CERS4: variants seen among roughly 807,000 people sequenced by gnomAD.
The protein encoded by CERS4 is ceramide synthase 4, also known as LAG1 homolog, ceramide synthase 4.
A neutral mutation model predicts 51.8 loss-of-function variants in CERS4; 65 were observed. The ratio of observed to expected loss-of-function variants is 1.26; its 90% CI spans 1.03 to 1.54. The LOEUF (loss-of-function observed/expected upper bound fraction) is 1.54. CERS4 is among the 40% of genes most tolerant of loss of function. CERS4 has a pLI of 0.00. For missense variants in CERS4, 563 were observed against 500.4 expected, an observed-to-expected ratio of 1.13 and a Z score of -1.19; for synonymous variants, 228 against 208.4, an observed-to-expected ratio of 1.09 and a Z score of -0.81.
intron 2 of CERS4, among the ~76,000 whole-genome samples, chr19:8,238,953 T>A (rs1301044443): frequency 6.6e-6 from 1 of 151,366 alleles, no homozygotes; most frequent in African/African-American, 2.4e-5. Context: ...TAACAAAAAT[T>A]AGCTGGGTGT....
chr19:8,234,850 G>A (rs1468210027), intron 2 of CERS4, among the ~76,000 whole-genome samples: 3 of 151,382 alleles, frequency 2.0e-5, no homozygotes, highest in African/African-American at 4.9e-5. Context: ...CACCACGCCC[G>A]GCCCCATTCT....
intron 10 of CERS4, among the ~76,000 whole-genome samples, chr19:8,260,150 G>A (rs1025000585): frequency 2.6e-5 from 4 of 151,978 alleles, no homozygotes; most frequent in Non-Finnish European, 4.4e-5. Context: ...AGGCGAGGTC[G>A]CTGGTCACCC....
chr19:8,237,060 T>C (rs1488323941), intron 2 of CERS4, among the ~76,000 whole-genome samples: 1 of 151,028 alleles, frequency 6.6e-6, no homozygotes, highest in African/African-American at 2.4e-5. Context: ...TCTGTTTATT[T>C]CTTAGCTTGC....
chr19:8,262,187 TG>T lies in CERS4; in HGVS notation c.*81del. On this transcript the variant is annotated 3_prime_UTR_variant, in exon 12 of 12. Coordinates refer to ENST00000251363, the MANE Select transcript of CERS4 (RefSeq NM_024552.3). Reference sequence around the variant, plus strand: ...TCTGGGGTGACTGGACTGGCGCCCCTGGGCCACCTTTCTGGAGACAGGGAGG... The same window carrying T: ...TCTGGGGTGACTGGACTGGCGCCCCTGGCCACCTTTCTGGAGACAGGGAGG... The T allele has an allele frequency of 7.4e-7, 1 of 1,359,238 alleles. No homozygotes were observed. The highest frequency in any genetic ancestry group is 9.5e-7 in the Non-Finnish European group (1 of 1,053,976). The allele number at this position is 1,359,238 out of a possible 1,614,324, so 84.2% of individuals were successfully genotyped here.
In CERS4 at chr19:8,262,034, C is replaced by A; in HGVS notation, c.1110C>A (p.Pro370=). 6.4e-7 allele frequency: 1 copy of A among 1,558,534 alleles called. No homozygotes were observed. Among genetic ancestry groups the A allele is most frequent in the Non-Finnish European group, 8.7e-7 (1 of 1,155,824 alleles). The change falls in exon 12 of 12, where the codon CCC becomes CCA. Residue 370 remains proline (P), a synonymous_variant. Coordinates refer to ENST00000251363, the MANE Select transcript of CERS4 (RefSeq NM_024552.3). ...LQLKNGAAGG[P]RPAPTDGPRS... ...TAAAGAACGGGGCAGCTGGAGGGCC[C>A]AGGCCAGCCCCCACTGATGGCCCTC...
At chr19:8,227,413 C>T (rs989772053) in intron 2 of CERS4, among the ~76,000 whole-genome samples, 1 of 151,972 alleles carries the variant, frequency 6.6e-6, no homozygotes, top group African/African-American at 2.4e-5. Flanking sequence ...CTCACTGCAA[C>T]CTCTGCCTTG....
intron 4 of CERS4, among the ~76,000 whole-genome samples, chr19:8,254,839 G>A (rs1969290494): frequency 6.6e-6 from 1 of 151,726 alleles, no homozygotes; most frequent in African/African-American, 2.4e-5. Flanking sequence ...CCTGGGACAT[G>A]GAGCCCCACC....
rs3042169 is a variant in CERS4 at position 8,231,851 on chromosome 19, A to ATTTTTTTTT, written c.-1-19211_-1-19203dup. Among the ~76,000 whole-genome samples, 443 of 104,380 alleles carry ATTTTTTTTT rather than the reference A, an allele frequency of 4.2e-3. 25 individuals carry two copies. The highest frequency in any genetic ancestry group is 6.7e-3 in the Non-Finnish European group (373 of 55,294). 68.5% of individuals were successfully genotyped at this position (104,380 alleles called of 152,430 possible). The stretch of plus-strand genomic sequence containing the variant: ...ACAAGCATGAGGCACTGTGCCCAGC[A>ATTTTTTTTT]TTTTTTTTTTTTTTTTTTTTTTAGA... On this transcript the variant is annotated intron_variant, in intron 2 of 11. Coordinates refer to ENST00000251363, the MANE Select transcript of CERS4 (RefSeq NM_024552.3).
intron 10 of CERS4, among the ~76,000 whole-genome samples, chr19:8,258,537 C>T (rs1763465951): frequency 6.6e-6 from 1 of 150,498 alleles, no homozygotes; most frequent in Non-Finnish European, 1.5e-5. Context: ...AGTGAAACCC[C>T]ATCTCTACTA....
At chr19:8,228,275 G>A (rs1232759174) in intron 2 of CERS4, among the ~76,000 whole-genome samples, 1 of 152,156 alleles carries the variant, frequency 6.6e-6, no homozygotes, top group African/African-American at 2.4e-5. Flanking sequence ...GAGCTGGATG[G>A]TGGTTATGGT....
intron 2 of CERS4, chr19:8,240,674 A>T (rs1968498379): frequency 6.6e-6 from 1 of 152,274 alleles, no homozygotes; most frequent in Non-Finnish European, 1.5e-5. Flanking sequence ...TTTCACAACC[A>T]TGGACAAGTC....
At chr19:8,230,250 T>G (rs943953755) in intron 2 of CERS4, among the ~76,000 whole-genome samples, 2 of 151,954 alleles carry the variant, frequency 1.3e-5, no homozygotes, top group Non-Finnish European at 2.9e-5. Context: ...TGGTGCGATC[T>G]CAGATCTCGG....
At chr19:8,259,573 G>C (rs1335207155) in intron 10 of CERS4, among the ~76,000 whole-genome samples, 1 of 152,128 alleles carries the variant, frequency 6.6e-6, no homozygotes, top group African/African-American at 2.4e-5. Context: ...GTGTGGGCAG[G>C]AGTGAGGGGA....
Position 8,245,264 on chromosome 19 carries a change from T to G in CERS4, c.-1-5812T>G, listed in dbSNP as rs191985526. ...TTTTATTTTTTATTGATTTACTCTG[T>G]TTTTGGAGACAGGTATCACTCTGTC... is the stretch of plus-strand genomic sequence containing the variant. On this transcript the variant is annotated intron_variant, in intron 2 of 11. Transcript: ENST00000251363. Among the ~76,000 whole-genome samples, 300 of 152,038 alleles carry G rather than the reference T, an allele frequency of 2.0e-3. 1 individual carries two copies. The highest frequency in any genetic ancestry group is 6.8e-3 in the African/African-American group (284 of 41,490).
At chr19:8,213,316 CTT>C (rs1967156160) in intron 2 of CERS4, among the ~76,000 whole-genome samples, 1 of 151,976 alleles carries the variant, frequency 6.6e-6, no homozygotes, top group African/African-American at 2.4e-5. Flanking sequence ...CACTCGGCCT[CTT>C]TCTTTCTTTC....
intron 2 of CERS4, among the ~76,000 whole-genome samples, chr19:8,245,902 CAAAAAAAAAAAAA>C (rs746017170): frequency 2.6e-5 from 2 of 76,946 alleles, no homozygotes; most frequent in Non-Finnish European, 4.5e-5. Context: ...GCTTTGATGA[CAAAAAAAAAAAAA>C]AAAAAAAAAA....
At chr19:8,237,138 G>A (rs1334963674) in intron 2 of CERS4, among the ~76,000 whole-genome samples, 2 of 150,754 alleles carry the variant, frequency 1.3e-5, no homozygotes, top group Non-Finnish European at 2.9e-5. Flanking sequence ...TATAGATAAA[G>A]ATCCTGTTAC....
intron 2 of CERS4, among the ~76,000 whole-genome samples, chr19:8,234,035 G>A (rs1219234833): frequency 6.6e-6 from 1 of 151,514 alleles, no homozygotes; most frequent in Non-Finnish European, 1.5e-5. Flanking sequence ...GGCTGGGCGT[G>A]GTGGCTCACG....
Position 8,256,659 on chromosome 19 carries a change from G to C in CERS4, c.561G>C (p.Leu187=), listed in dbSNP as rs1192966497. 6.2e-7 allele frequency: 1 copy of C among 1,613,842 alleles called. No homozygotes were observed. The highest frequency in any genetic ancestry group is 8.5e-7 in the Non-Finnish European group (1 of 1,179,912). Residue 187 remains leucine, a synonymous_variant, in exon 8 of 12, where the codon CTG becomes CTC. Transcript: ENST00000251363. ...TGTACTGGTGGTACCTCTTGGAGCT[G>C]GGTTTCTACCTCTCACTGCTAATCA... ...PSLYWWYLLE[L]GFYLSLLIRL... is the part of the protein sequence containing the mutation.
Sources: gnomAD v4.1 joint callset for allele counts (sites outside exome capture counted in the v4.1 genomes callset) on GRCh38, gnomAD v4.1.1 for gene constraint, MANE v1.5 for transcripts, NCBI Gene and HGNC (gene_info 2026-07-23, HGNC 2026-07-21) for gene names.